The following CA10 variants were observed in gnomAD, a reference collection of about 807,000 sequenced individuals.
CA10 encodes carbonic anhydrase-related protein 10.
In CA10, 14 loss-of-function variants were observed where a neutral mutation model predicts 44.2. The ratio of observed to expected loss-of-function variants is 0.32; its 90% CI spans 0.21 to 0.50. CA10 has a LOEUF of 0.50. Among genes scored for constraint, CA10 ranks in the 20% least tolerant of loss-of-function variants. The probability of loss-of-function intolerance (pLI) is 0.99; values close to 1 mark genes in which losing one functional copy is unlikely to be tolerated. For missense variants in CA10, 350 were observed against 409.7 expected (o/e 0.85, Z 1.26); for synonymous variants, 159 against 141.6 (o/e 1.12, Z -0.87).
chr17:51,792,796 G>A (rs1210614341), intron 3 of CA10, among the ~76,000 whole-genome samples: 2 of 152,296 alleles, frequency 1.3e-5, no homozygotes, highest in East Asian at 3.9e-4. Flanking sequence ...CAACTATATA[G>A]CAATAGAGCA....
At chr17:51,727,073 A>T (rs1916551061) in intron 4 of CA10, among the ~76,000 whole-genome samples, 1 of 152,128 alleles carries the variant, frequency 6.6e-6, no homozygotes, top group South Asian at 2.1e-4. Flanking sequence ...CTATTTGCTA[A>T]ACCTCTTCAT....
intron 3 of CA10, among the ~76,000 whole-genome samples, chr17:51,795,805 G>A (rs1906683003): frequency 6.6e-6 from 1 of 152,240 alleles, no homozygotes; most frequent in Non-Finnish European, 1.5e-5. Flanking sequence ...CAGGGCATCA[G>A]TGTCCTGGGC....
chr17:51,823,936 C>T (rs987580602), intron 3 of CA10, among the ~76,000 whole-genome samples: 1 of 152,196 alleles, frequency 6.6e-6, no homozygotes, highest in East Asian at 1.9e-4. Flanking sequence ...TTTCTTACCC[C>T]TCTCTGCTGC....
intron 2 of CA10, among the ~76,000 whole-genome samples, chr17:51,941,377 G>T (rs1393873924): frequency 6.6e-6 from 1 of 152,098 alleles, no homozygotes; most frequent in Non-Finnish European, 1.5e-5. Context: ...GCCTGTATCA[G>T]GTTTAAGATT....
chr17:51,900,269 T>C (rs536549865), intron 3 of CA10, among the ~76,000 whole-genome samples: 2 of 152,270 alleles, frequency 1.3e-5, no homozygotes, highest in South Asian at 4.1e-4. Flanking sequence ...AAGATTCTTA[T>C]GTTTCCTTTG....
intron 3 of CA10, among the ~76,000 whole-genome samples, chr17:51,801,873 G>C (rs1906946937): frequency 6.6e-6 from 1 of 152,210 alleles, no homozygotes; most frequent in African/African-American, 2.4e-5. Context: ...TTTGACACAT[G>C]TAAGATTTTC....
chr17:51,761,416 C>T (rs936550344), intron 3 of CA10: 2 of 152,132 alleles, frequency 1.3e-5, no homozygotes, highest in Non-Finnish European at 2.9e-5. Context: ...GTCCCATTAT[C>T]TAAATTATAA....
chr17:51,966,297 A>G (rs1984079437), intron 2 of CA10, among the ~76,000 whole-genome samples: 1 of 152,016 alleles, frequency 6.6e-6, no homozygotes, highest in Non-Finnish European at 1.5e-5. Context: ...TGCAATCTAC[A>G]GATTCAATTT....
chr17:51,995,425 A>T (rs1017334986), intron 2 of CA10, among the ~76,000 whole-genome samples: 27 of 152,104 alleles, frequency 1.8e-4, no homozygotes, highest in East Asian at 1.9e-4. Context: ...AGCATTTTTT[A>T]AAAAAATATG....
At chr17:52,091,214 TATG>T (rs1417019944) in intron 1 of CA10, among the ~76,000 whole-genome samples, 4 of 152,278 alleles carry the variant, frequency 2.6e-5, no homozygotes, top group Admixed American at 2.0e-4. Context: ...TTTCAAGTGT[TATG>T]ATGATGAAGT....
chr17:52,155,944 T>C (rs1009057508), intron 1 of CA10, among the ~76,000 whole-genome samples: 4 of 152,202 alleles, frequency 2.6e-5, no homozygotes, highest in African/African-American at 9.6e-5. Flanking sequence ...ATCCCACTAA[T>C]GCTTTTTTTG....
chr17:52,112,191 G>GA (rs796634137), intron 1 of CA10, among the ~76,000 whole-genome samples: 2,936 of 132,634 alleles, frequency 0.022, 58 homozygotes, highest in African/African-American at 0.064. Flanking sequence ...AGAAGAAAAA[G>GA]AAAAAAAAAA....
intron 4 of CA10, among the ~76,000 whole-genome samples, chr17:51,687,096 T>C (rs1915034673): frequency 1.3e-5 from 2 of 152,214 alleles, no homozygotes; most frequent in Admixed American, 1.3e-4. Context: ...CCAAGCTCAT[T>C]GTCCTGACTT....
intron 4 of CA10, among the ~76,000 whole-genome samples, chr17:51,733,924 T>C (rs982237566): frequency 3.3e-5 from 5 of 152,124 alleles, no homozygotes; most frequent in African/African-American, 1.2e-4. Context: ...TCTAGTAAAA[T>C]ACCTTATTAA....
At chr17:52,018,095 G>A (rs1986024892) in intron 2 of CA10, among the ~76,000 whole-genome samples, 1 of 152,128 alleles carries the variant, frequency 6.6e-6, no homozygotes, top group Non-Finnish European at 1.5e-5. Flanking sequence ...AGGATGTATG[G>A]GAAAGCCTGG....
intron 1 of CA10, among the ~76,000 whole-genome samples, chr17:52,156,849 C>G (rs1989814062): frequency 6.6e-6 from 1 of 152,186 alleles, no homozygotes; most frequent in Non-Finnish European, 1.5e-5. Flanking sequence ...GGAGGAGCCA[C>G]TGAACTGGGG....
At chr17:51,835,520 T>C (rs1008944355) in intron 3 of CA10, among the ~76,000 whole-genome samples, 8 of 152,334 alleles carry the variant, frequency 5.3e-5, no homozygotes, top group Middle Eastern at 6.8e-3. Context: ...GTGAGTTCAG[T>C]ATAGGCACTG....
At chr17:51,995,055 G>T (rs1379578234) in intron 2 of CA10, among the ~76,000 whole-genome samples, 1 of 151,858 alleles carries the variant, frequency 6.6e-6, no homozygotes, top group Non-Finnish European at 1.5e-5. Context: ...TGCGTGAATG[G>T]AACTGAATGT....
At chr17:51,700,826 C>A (rs1915573760) in intron 4 of CA10, among the ~76,000 whole-genome samples, 2 of 152,090 alleles carry the variant, frequency 1.3e-5, no homozygotes, top group Non-Finnish European at 2.9e-5. Flanking sequence ...AACAGAAAAC[C>A]AAACACTGTA....
Sources: gnomAD v4.1 joint callset for allele counts (sites outside exome capture counted in the v4.1 genomes callset) on GRCh38, gnomAD v4.1.1 for gene constraint, MANE v1.5 for transcripts, NCBI Gene and HGNC (gene_info 2026-07-23, HGNC 2026-07-21) for gene names.